Variants in TMEM132D observed in about 807,000 individuals in gnomAD.
The protein encoded by TMEM132D is mature OL transmembrane protein.
A neutral mutation model predicts 62.3 loss-of-function variants in TMEM132D; 21 were observed. That is an observed-to-expected ratio of 0.34 (90% CI 0.24 to 0.49). The LOEUF (loss-of-function observed/expected upper bound fraction) is 0.49, where lower values mean the gene tolerates loss of function less well. Among genes scored for constraint, TMEM132D ranks in the 20% least tolerant of loss-of-function variants. The probability of loss-of-function intolerance (pLI) is 0.99; values close to 1 mark genes in which losing one functional copy is unlikely to be tolerated. For synonymous variants in TMEM132D, 621 were observed against 575.6 expected (o/e 1.08, Z -1.13); for missense variants, 1,346 against 1,402.8 (o/e 0.96, Z 0.65).
At chr12:129,617,851 C>T (rs1455456342) in intron 2 of TMEM132D, among the ~76,000 whole-genome samples, 3 of 152,186 alleles carry the variant, frequency 2.0e-5, no homozygotes. Context: ...CCACCTAATA[C>T]ATGGGGGTTA....
intron 2 of TMEM132D, among the ~76,000 whole-genome samples, chr12:129,583,946 T>C (rs934744406): frequency 2.0e-5 from 3 of 152,252 alleles, no homozygotes; most frequent in African/African-American, 7.2e-5. Flanking sequence ...TTTTCTCTTT[T>C]ATAAATAAAT....
intron 3 of TMEM132D, among the ~76,000 whole-genome samples, chr12:129,407,876 C>T (rs555262195): frequency 2.8e-5 from 4 of 143,708 alleles, no homozygotes; most frequent in East Asian, 2.1e-4. Context: ...GGCAACAGAG[C>T]GAGACTCCGA....
At chr12:129,790,376 A>G (rs909569997) in intron 1 of TMEM132D, among the ~76,000 whole-genome samples, 1 of 152,068 alleles carries the variant, frequency 6.6e-6, no homozygotes, top group African/African-American at 2.4e-5. Context: ...AACAAATTGG[A>G]GATGGTAAAT....
At chr12:129,644,422 T>C (rs1028434982) in intron 2 of TMEM132D, among the ~76,000 whole-genome samples, 3 of 152,122 alleles carry the variant, frequency 2.0e-5, no homozygotes, top group Admixed American at 6.5e-5. Flanking sequence ...TAATTGTTTG[T>C]CCTTGCAGCT....
At chr12:129,491,359 A>G (rs1329310817) in intron 3 of TMEM132D, among the ~76,000 whole-genome samples, 2 of 152,136 alleles carry the variant, frequency 1.3e-5, no homozygotes, top group Non-Finnish European at 2.9e-5. Flanking sequence ...TGTTCACCAA[A>G]AACCATTTTC....
chr12:129,814,452 T>C (rs1186239612), intron 1 of TMEM132D, among the ~76,000 whole-genome samples: 4 of 151,446 alleles, frequency 2.6e-5, no homozygotes, highest in African/African-American at 2.4e-5. Flanking sequence ...CTACTAAAAA[T>C]ACAAAAAATT....
chr12:129,889,400 C>T (rs1229774679), intron 1 of TMEM132D, among the ~76,000 whole-genome samples: 1 of 152,168 alleles, frequency 6.6e-6, no homozygotes, highest in African/African-American at 2.4e-5. Context: ...TCCTTGAACC[C>T]TCCTTTCCCC....
intron 5 of TMEM132D, among the ~76,000 whole-genome samples, chr12:129,153,465 C>T (rs1280840774): frequency 1.3e-5 from 2 of 151,798 alleles, no homozygotes; most frequent in Admixed American, 6.6e-5. Context: ...TTTGGGTCAT[C>T]GTGAAATGTC....
chr12:129,428,465 A>T (rs1053888386), intron 3 of TMEM132D, among the ~76,000 whole-genome samples: 4 of 152,344 alleles, frequency 2.6e-5, no homozygotes, highest in Non-Finnish European at 4.4e-5. Context: ...GTCTAATGTG[A>T]CACATGTTAA....
chr12:129,107,921 G>A (rs868176115), intron 5 of TMEM132D, among the ~76,000 whole-genome samples: 5 of 151,374 alleles, frequency 3.3e-5, no homozygotes, highest in African/African-American at 9.7e-5. Context: ...TGGAACTCAT[G>A]GACTCAAGTG....
chr12:129,160,904 A>G (rs1769843649), intron 5 of TMEM132D, among the ~76,000 whole-genome samples: 1 of 152,156 alleles, frequency 6.6e-6, no homozygotes, highest in Admixed American at 6.5e-5. Flanking sequence ...TTTCAGGCCA[A>G]GAGCTGAGGG....
At chr12:129,636,082 G>C (rs1879468365) in intron 2 of TMEM132D, among the ~76,000 whole-genome samples, 1 of 152,212 alleles carries the variant, frequency 6.6e-6, no homozygotes, top group African/African-American at 2.4e-5. Flanking sequence ...TGGAGACCAA[G>C]GTTCTTATTA....
At chr12:129,615,599 A>C (rs1878892166) in intron 2 of TMEM132D, among the ~76,000 whole-genome samples, 1 of 149,950 alleles carries the variant, frequency 6.7e-6, no homozygotes, top group African/African-American at 2.4e-5. Flanking sequence ...AAAAAAAAAA[A>C]AGAACAAAAA....
chr12:129,329,203 A>G (rs1016265659), intron 4 of TMEM132D, among the ~76,000 whole-genome samples: 4 of 152,118 alleles, frequency 2.6e-5, no homozygotes, highest in African/African-American at 9.7e-5. Context: ...CCTAATGAAC[A>G]GTAAGTATTT....
At position 129,827,749 on chromosome 12, in the gene TMEM132D, C is replaced by T. The variant is rs995787544; in HGVS notation, c.79+75512G>A. ...TGGAAGTTAATCTTTAGCCCCCTCA[C>T]CTCAGTTAAGTGCATTCCGAGCTAA... On this transcript the variant is annotated intron_variant, in intron 1 of 8. Coordinates refer to ENST00000422113, the MANE Select transcript of TMEM132D (RefSeq NM_133448.3). This position sits in a 1 kb window ranked among gnomAD's most constrained non-coding sequence, Gnocchi z 9.7. 1.3e-5 allele frequency among the ~76,000 whole-genome samples: 2 copies of T among 152,158 alleles called. No individual in the cohort carries two copies. The highest frequency in any genetic ancestry group is 2.9e-5 in the Non-Finnish European group (2 of 68,026).
At chr12:129,140,936 G>A (rs187998602) in intron 5 of TMEM132D, among the ~76,000 whole-genome samples, 36 of 152,076 alleles carry the variant, frequency 2.4e-4, no homozygotes, top group Admixed American at 2.2e-3. Flanking sequence ...TTGTAAGCCC[G>A]TGTCAGAACT....
At chr12:129,784,381 C>G (rs1285873771) in intron 1 of TMEM132D, among the ~76,000 whole-genome samples, 3 of 152,168 alleles carry the variant, frequency 2.0e-5, no homozygotes, top group Non-Finnish European at 4.4e-5. Flanking sequence ...TAGTGGAGGT[C>G]ACCGACTTAT....
At chr12:129,125,752 C>T (rs747171463) in intron 5 of TMEM132D, among the ~76,000 whole-genome samples, 7 of 152,020 alleles carry the variant, frequency 4.6e-5, no homozygotes. Flanking sequence ...ATCCGCTCGC[C>T]TTGGCCTCCC....
rs115893840 is a variant in TMEM132D at position 129,811,394 on chromosome 12, A to G, written c.79+91867T>C. On this transcript the variant is annotated intron_variant, in intron 1 of 8. Transcript: ENST00000422113. The stretch of plus-strand genomic sequence containing the variant: ...CCCCTCCCTCCATCCCTCACTACCC[A>G]ATGCTTGAAGTCCTGGCTTCCAGTG... Among the ~76,000 whole-genome samples, 555 of 151,674 alleles carry G rather than the reference A, an allele frequency of 3.7e-3. 11 individuals carry two copies. Among genetic ancestry groups the G allele is most frequent in the African/African-American group, 0.013 (523 of 41,360 alleles).
Sources: allele counts gnomAD v4.1 joint callset (sites outside exome capture counted in the v4.1 genomes callset), GRCh38; gene constraint gnomAD v4.1.1; non-coding constraint Gnocchi (gnomAD v3.1); transcripts MANE v1.5; gene names NCBI Gene and HGNC (gene_info 2026-07-23, HGNC 2026-07-21).